The following KDM5A variants were observed in gnomAD, a reference collection of about 807,000 sequenced individuals.
KDM5A encodes the protein lysine-specific demethylase 5A.
A neutral mutation model predicts 193.5 loss-of-function variants in KDM5A; 42 were observed. The observed-to-expected ratio is 0.22, with a 90% confidence interval of 0.17 to 0.28. The LOEUF (loss-of-function observed/expected upper bound fraction) is 0.28, where lower values mean the gene tolerates loss of function less well. Among genes scored for constraint, KDM5A ranks in the 10% least tolerant of loss-of-function variants. The probability of loss-of-function intolerance (pLI) is 1.00; values close to 1 mark genes in which losing one functional copy is unlikely to be tolerated. For missense variants in KDM5A, 1,692 were observed against 2,055.1 expected (o/e 0.82, Z 3.42); for synonymous variants, 796 against 718.1 (o/e 1.11, Z -1.73).
chr12:309,592 A>T (rs1199030564), intron 22 of KDM5A, among the ~76,000 whole-genome samples: 1 of 152,258 alleles, frequency 6.6e-6, no homozygotes, highest in East Asian at 1.9e-4. Context: ...GAACAGAGGT[A>T]TGGAAAAGAC....
chr12:307,674 G>A lies in KDM5A; in HGVS notation c.3710C>T (p.Pro1237Leu), dbSNP rs2137388506. 6.2e-7 allele frequency: 1 copy of A among 1,614,120 alleles called. No individual in the cohort carries two copies. ...GGCCTCTCCTTCAGGCAACCGTACGGGCAACTTCTGAAGGGATACCAGGAG... is the reference window on the plus strand; with the variant it reads ...GGCCTCTCCTTCAGGCAACCGTACGAGCAACTTCTGAAGGGATACCAGGAG... ...LSLLVSLQKL[P>L]VRLPEGEALQ... Residue 1237 changes from proline to leucine, a missense_variant, in exon 23 of 28, where the codon CCC becomes CTC. Physicochemically the swap from Pro to Leu is moderately conservative, Grantham distance 98 (BLOSUM62 -3). Transcript: ENST00000399788. This position sits in a 1 kb window ranked among gnomAD's most constrained non-coding sequence, Gnocchi z 4.3.
intron 2 of KDM5A, among the ~76,000 whole-genome samples, chr12:384,849 C>G (rs1293193769): frequency 6.6e-6 from 1 of 152,178 alleles, no homozygotes; most frequent in African/African-American, 2.4e-5. Flanking sequence ...CTCACTGATA[C>G]TAATATGCTT....
At chr12:322,640 C>G in intron 16 of KDM5A, 73 bp from the exon 17 acceptor site, 1 of 1,343,758 alleles carries the variant, frequency 7.4e-7, no homozygotes, top group South Asian at 1.2e-5. Context: ...TCTTCACCAA[C>G]CTCACTCAAG....
At chr12:306,414 T>C (rs559548422) in intron 24 of KDM5A, among the ~76,000 whole-genome samples, 11 of 152,262 alleles carry the variant, frequency 7.2e-5, no homozygotes, top group African/African-American at 2.4e-4. Flanking sequence ...ATAAGATGAG[T>C]AAAACAAATA....
chr12:306,955 G>A lies in KDM5A; in HGVS notation c.4065C>T (p.Tyr1355=), dbSNP rs757801518. The change falls in exon 24 of 28, where the codon TAC becomes TAT. Residue 1355 remains tyrosine, a synonymous_variant. Transcript: ENST00000399788. ...TTGTCCATGTAACTACCTTCATGTC[G>A]TAGCCATATGTCTCTCGAATGTCTT... The part of the protein sequence containing the change: ...SDEDIRETYG[Y]DMKDTASVKS... 14 of 1,611,656 alleles carry A rather than the reference G, an allele frequency of 8.7e-6. No individual in the cohort carries two copies. The East Asian group carries it at 1.6e-4, about 18-fold the overall frequency.
chr12:378,022 T>A (rs1173078758), intron 3 of KDM5A, among the ~76,000 whole-genome samples: 1 of 152,202 alleles, frequency 6.6e-6, no homozygotes, highest in Non-Finnish European at 1.5e-5. Context: ...GTAACTACAC[T>A]AGAAGGGGAT....
chr12:342,252 T>G (rs1471562153), intron 10 of KDM5A, among the ~76,000 whole-genome samples: 2 of 152,152 alleles, frequency 1.3e-5, no homozygotes, highest in African/African-American at 4.8e-5. Context: ...GGAGATAAAT[T>G]ATTGCCAATT....
At chr12:327,995 C>G (rs114718392) in intron 14 of KDM5A, among the ~76,000 whole-genome samples, 2,077 of 152,032 alleles carry the variant, frequency 0.014, 49 homozygotes, top group African/African-American at 0.046. Flanking sequence ...GCCTGGGCGA[C>G]AGAGAGAGAA....
Position 284,646 on chromosome 12 carries a change from T to C in KDM5A, c.*810A>G, listed in dbSNP as rs531061792. 4.3e-6 allele frequency: 1 copy of C among 233,356 alleles called. No individual in the cohort carries two copies. The highest frequency in any genetic ancestry group is 1.8e-4 in the South Asian group (1 of 5,522). The allele number at this position is 233,356 out of a possible 1,614,324, so 14.5% of individuals were successfully genotyped here. A position where few individuals can be genotyped will look rare whatever the true frequency, so the allele number is the denominator to read the frequency against. ...CATCGTCATCTTCTTCTCTTTTTTT[T>C]TTTGGCAGAAGCCTGGATCCATGTA... is the stretch of plus-strand genomic sequence containing the variant. On this transcript the variant is annotated 3_prime_UTR_variant, in exon 28 of 28. Transcript: ENST00000399788.
Position 299,020 on chromosome 12 carries a change from G to A in KDM5A, c.4075-1820C>T, listed in dbSNP as rs1001607322. ...TAGAGGAAAAAGAGTGAAAAGAAAC[G>A]AAAAAAGCCTCCAATGCATATGGGA... is the stretch of plus-strand genomic sequence containing the variant. On this transcript the variant is annotated intron_variant, in intron 24 of 27. Transcript: ENST00000399788. Among the ~76,000 whole-genome samples the A allele has an allele frequency of 5.9e-5, 9 of 151,960 alleles. No individual in the cohort carries two copies. The East Asian group carries it at 1.4e-3, about 23-fold the overall frequency.
At chr12:348,848 G>A in intron 10 of KDM5A, among the ~76,000 whole-genome samples, 1 of 151,326 alleles carries the variant, frequency 6.6e-6, no homozygotes, top group Non-Finnish European at 1.5e-5. Context: ...CATGGCACAT[G>A]TATACCTATG....
chr12:343,311 C>T lies in KDM5A; in HGVS notation c.1308+7310G>A, dbSNP rs138059230. On this transcript the variant is annotated intron_variant, in intron 10 of 27. Transcript: ENST00000399788. ...TGGAGCCCACGGCAGCTCAACAAGG[C>T]CTACTGCCTCTAGACTCCACCTCTC... Among the ~76,000 whole-genome samples the T allele has an allele frequency of 2.9e-3, 449 of 152,322 alleles. 1 individual carries two copies. The highest frequency in any genetic ancestry group is 0.01 in the African/African-American group (428 of 41,572).
At chr12:373,101 C>T (rs1459782384) in intron 3 of KDM5A, among the ~76,000 whole-genome samples, 1 of 152,160 alleles carries the variant, frequency 6.6e-6, no homozygotes. Context: ...ATGATGCTGG[C>T]CTCATAAAAT....
At chr12:327,624 G>T (rs150429429) in intron 14 of KDM5A, among the ~76,000 whole-genome samples, 1 of 152,158 alleles carries the variant, frequency 6.6e-6, no homozygotes, top group African/African-American at 2.4e-5. Flanking sequence ...CAGGAGAATC[G>T]CTGAACCTGG....
At chr12:329,992 G>C (rs1319108450) in intron 13 of KDM5A, among the ~76,000 whole-genome samples, 1 of 151,808 alleles carries the variant, frequency 6.6e-6, no homozygotes, top group Non-Finnish European at 1.5e-5. Flanking sequence ...GAAAATTTGA[G>C]GCTATCTCTG....
chr12:288,032 A>G lies in KDM5A; in HGVS notation c.4867-2370T>C, dbSNP rs1173460722. On this transcript the variant is annotated intron_variant, in intron 27 of 27. Coordinates refer to ENST00000399788, the MANE Select transcript of KDM5A (RefSeq NM_001042603.3). ...TACTGGTACACAAATTCTAACCTAG[A>G]CTACAGGTTATATAACAATTTAGCC... Among the ~76,000 whole-genome samples the G allele has an allele frequency of 3.3e-5, 5 of 152,304 alleles. No homozygotes were observed. In the East Asian group the frequency reaches 9.6e-4, roughly 29 times the overall value.
At chr12:290,965 A>G (rs943394639) in intron 27 of KDM5A, among the ~76,000 whole-genome samples, 8 of 152,212 alleles carry the variant, frequency 5.3e-5, no homozygotes, top group Non-Finnish European at 8.8e-5. Flanking sequence ...TAAGGAAGAA[A>G]AGGGAGAAGG....
At chr12:310,863 G>GA (rs1943575194) in intron 21 of KDM5A, 22 bp downstream of exon 21, 1 of 1,610,770 alleles carries the variant, frequency 6.2e-7, no homozygotes, top group Admixed American at 1.7e-5. Flanking sequence ...AGCTGCTTAT[G>GA]AGAGTGTTGA....
At chr12:291,924 C>CA (rs1232167098) in intron 27 of KDM5A, among the ~76,000 whole-genome samples, 1 of 129,736 alleles carries the variant, frequency 7.7e-6, no homozygotes, top group Non-Finnish European at 1.6e-5. Flanking sequence ...TTTTTTGAGA[C>CA]AGAGTTTTGC....
Sources: gnomAD v4.1 joint callset for allele counts (sites outside exome capture counted in the v4.1 genomes callset) on GRCh38, gnomAD v4.1.1 for gene constraint, Gnocchi (gnomAD v3.1) non-coding constraint, MANE v1.5 for transcripts, NCBI Gene and HGNC (gene_info 2026-07-23, HGNC 2026-07-21) for gene names.